The following AFG2A variants were observed in gnomAD, a reference collection of about 807,000 sequenced individuals.
AFG2A encodes AAA ATPase AFG2A, also known as ATPase family gene 2 protein homolog A.
the AFG2A span, among the ~76,000 whole-genome samples, chr4:123,011,260 T>C: frequency 6.6e-6 from 1 of 152,260 alleles, no homozygotes; most frequent in African/African-American, 2.4e-5. Context: ...GCCTCGCATT[T>C]AATAAACATT....
At chr4:123,202,966 T>A in the AFG2A span, among the ~76,000 whole-genome samples, 1 of 152,074 alleles carries the variant, frequency 6.6e-6, no homozygotes, top group East Asian at 1.9e-4. Flanking sequence ...GAGGCTGCAG[T>A]GAGCCGTGAT....
the AFG2A span, among the ~76,000 whole-genome samples, chr4:123,019,772 C>T: frequency 1.3e-5 from 2 of 152,096 alleles, no homozygotes; most frequent in Admixed American, 1.3e-4. Flanking sequence ...ATTTTTTGGA[C>T]ATTATTGCAC....
the AFG2A span, among the ~76,000 whole-genome samples, chr4:123,001,925 C>T: frequency 1.0e-3 from 152 of 152,152 alleles, no homozygotes; most frequent in Non-Finnish European, 1.5e-3. Flanking sequence ...CCCATTATTA[C>T]TGTGTGGGTG....
chr4:123,217,517 G>T, the AFG2A span, among the ~76,000 whole-genome samples: 1 of 152,016 alleles, frequency 6.6e-6, no homozygotes, highest in Non-Finnish European at 1.5e-5. Flanking sequence ...TTATTTTTAG[G>T]TATATACAGA....
At chr4:123,151,191 G>A in the AFG2A span, among the ~76,000 whole-genome samples, 22 of 152,170 alleles carry the variant, frequency 1.4e-4, no homozygotes, top group African/African-American at 4.1e-4. Context: ...AGGCATTACC[G>A]TTCAGGAAGT....
the AFG2A span, among the ~76,000 whole-genome samples, chr4:123,245,323 A>T: frequency 6.6e-6 from 1 of 152,214 alleles, no homozygotes; most frequent in Non-Finnish European, 1.5e-5. Flanking sequence ...TAAAATATGT[A>T]AATATCTAAG....
At chr4:123,070,122 A>G in the AFG2A span, among the ~76,000 whole-genome samples, 1 of 152,208 alleles carries the variant, frequency 6.6e-6, no homozygotes, top group Non-Finnish European at 1.5e-5. Flanking sequence ...TCTACCAGAC[A>G]TCACATTCTT....
the AFG2A span, among the ~76,000 whole-genome samples, chr4:123,217,776 T>C: frequency 6.6e-6 from 1 of 152,180 alleles, no homozygotes; most frequent in Non-Finnish European, 1.5e-5. Context: ...GCAGCATATG[T>C]CTGCTCAGCA....
At chr4:123,073,633 C>A in the AFG2A span, among the ~76,000 whole-genome samples, 1 of 152,080 alleles carries the variant, frequency 6.6e-6, no homozygotes, top group Non-Finnish European at 1.5e-5. Flanking sequence ...ATTACTACTT[C>A]TTCGTCAAAG....
chr4:123,117,312 G>A, the AFG2A span, among the ~76,000 whole-genome samples: 1 of 151,758 alleles, frequency 6.6e-6, no homozygotes, highest in East Asian at 1.9e-4. Context: ...GTGGAAGGAT[G>A]TATATGTAAC....
the AFG2A span, among the ~76,000 whole-genome samples, chr4:123,143,286 G>C: frequency 6.6e-6 from 1 of 151,522 alleles, no homozygotes; most frequent in Non-Finnish European, 1.5e-5. Flanking sequence ...CAATTCTAAT[G>C]TTAAAAAATG....
the AFG2A span, among the ~76,000 whole-genome samples, chr4:123,094,505 T>G: frequency 6.6e-6 from 1 of 152,036 alleles, no homozygotes. Flanking sequence ...AAAAATAAGA[T>G]TATATATCAA....
chr4:122,983,918 C>T, the AFG2A span, among the ~76,000 whole-genome samples: 1 of 152,118 alleles, frequency 6.6e-6, no homozygotes, highest in African/African-American at 2.4e-5. Flanking sequence ...AAGACACATC[C>T]ATAGGAAAAG....
chr4:123,021,185 A>C, the AFG2A span, among the ~76,000 whole-genome samples: 1 of 151,278 alleles, frequency 6.6e-6, no homozygotes, highest in Non-Finnish European at 1.5e-5. Flanking sequence ...TTGTAACGGT[A>C]CCTTTCCCAA....
the AFG2A span, among the ~76,000 whole-genome samples, chr4:123,201,692 G>GCC: frequency 6.6e-6 from 1 of 152,210 alleles, no homozygotes; most frequent in Non-Finnish European, 1.5e-5. Flanking sequence ...GCCAAGGCGG[G>GCC]CAGATTGCTT....
At chr4:123,313,826 T>G in the AFG2A span, 1 of 1,405,654 alleles carries the variant, frequency 7.1e-7, no homozygotes, top group Non-Finnish European at 9.5e-7. Context: ...GAATATTATG[T>G]TTCTAAAAGA....
At chr4:122,992,187 G>A in the AFG2A span, among the ~76,000 whole-genome samples, 2 of 152,150 alleles carry the variant, frequency 1.3e-5, no homozygotes, top group Non-Finnish European at 2.9e-5. Context: ...ATAGGAACTG[G>A]TACTACAACT....
At chr4:123,258,322 A>G in the AFG2A span, among the ~76,000 whole-genome samples, 2 of 152,288 alleles carry the variant, frequency 1.3e-5, no homozygotes, top group East Asian at 3.9e-4. Flanking sequence ...TATTTCTTTA[A>G]AAGTCTTAAA....
the AFG2A span, among the ~76,000 whole-genome samples, chr4:123,209,028 A>G: frequency 6.6e-5 from 10 of 152,180 alleles, no homozygotes; most frequent in South Asian, 2.1e-4. Flanking sequence ...GATTGAGTTG[A>G]TCACTGATGA....
Sources: gnomAD v4.1 joint callset for allele counts (sites outside exome capture counted in the v4.1 genomes callset) on GRCh38, gnomAD v4.1.1 for gene constraint, MANE v1.5 for transcripts, NCBI Gene and HGNC (gene_info 2026-07-23, HGNC 2026-07-21) for gene names.